Variants in ADGRL3 observed in about 807,000 individuals in gnomAD.
ADGRL3 encodes the protein calcium-independent alpha-latrotoxin receptor 3.
In ADGRL3, 62 loss-of-function variants were observed where a neutral mutation model predicts 153.5. The ratio of observed to expected loss-of-function variants is 0.40; its 90% CI spans 0.33 to 0.50. The LOEUF is 0.50. Among genes scored for constraint, ADGRL3 ranks in the 20% least tolerant of loss-of-function variants. The pLI, the probability that ADGRL3 is intolerant of heterozygous loss-of-function variation, is 0.47. For missense variants in ADGRL3, 1,641 were observed against 1,859.4 expected, an observed-to-expected ratio of 0.88 and a Z score of 2.16; for synonymous variants, 710 against 672.5, an observed-to-expected ratio of 1.06 and a Z score of -0.86.
chr4:61,554,000 G>C (rs1351234402), intron 4 of ADGRL3, among the ~76,000 whole-genome samples: 1 of 151,730 alleles, frequency 6.6e-6, no homozygotes, highest in Admixed American at 6.6e-5. Flanking sequence ...GGAGAACAGA[G>C]GAGAAAGCTT....
intron 1 of ADGRL3, among the ~76,000 whole-genome samples, chr4:61,296,346 G>A (rs1031734912): frequency 2.0e-5 from 3 of 152,082 alleles, no homozygotes; most frequent in African/African-American, 7.2e-5. Context: ...AAGTCTCTCA[G>A]GTTAACTGAA....
In ADGRL3 at chr4:62,043,514, T is replaced by G. The variant is rs191235278; in HGVS notation, c.3718-939T>G. On this transcript the variant is annotated intron_variant, in intron 24 of 26. Coordinates refer to ENST00000683033, the MANE Select transcript of ADGRL3 (RefSeq NM_001387552.1). The stretch of plus-strand genomic sequence containing the variant: ...CATGTTCCAAGATTCATAAAATCAC[T>G]TGTCTAATATTCTAAGATTGATTAC... 2.0e-5 allele frequency among the ~76,000 whole-genome samples: 3 copies of G among 152,220 alleles called. No homozygotes were observed. In the East Asian group the frequency reaches 5.8e-4, roughly 29 times the overall value.
chr4:61,423,009 G>A (rs1276794981), intron 2 of ADGRL3, among the ~76,000 whole-genome samples: 1 of 152,064 alleles, frequency 6.6e-6, no homozygotes, highest in Admixed American at 6.6e-5. Context: ...TTATAAAGAG[G>A]TGGAGCTGAG....
chr4:61,286,416 T>C (rs1320387415), intron 1 of ADGRL3, among the ~76,000 whole-genome samples: 1 of 151,572 alleles, frequency 6.6e-6, no homozygotes, highest in African/African-American at 2.4e-5. Context: ...AGTGAAATTT[T>C]AAAAGGATGT....
chr4:61,771,440 G>A (rs2345049), intron 8 of ADGRL3, among the ~76,000 whole-genome samples: 80,576 of 151,958 alleles, frequency 0.53, 22,037 homozygotes, highest in East Asian at 0.68. Context: ...GCCCATTTCC[G>A]ACCATAGAGT....
chr4:61,621,588 T>TA (rs2092514470), intron 5 of ADGRL3, among the ~76,000 whole-genome samples: 2 of 152,158 alleles, frequency 1.3e-5, no homozygotes, highest in African/African-American at 4.8e-5. Flanking sequence ...ATTATCTTTT[T>TA]AAAAAATACT....
intron 15 of ADGRL3, 63 bp from the exon 16 acceptor site, chr4:61,946,851 C>A: frequency 8.3e-7 from 1 of 1,199,892 alleles, no homozygotes; most frequent in Admixed American, 1.8e-5. Context: ...AATTTTCTAT[C>A]TCATTAGTAC....
At chr4:61,933,823 T>A (rs745428192) in intron 13 of ADGRL3, 1 of 152,210 alleles carries the variant, frequency 6.6e-6, no homozygotes, top group Admixed American at 6.5e-5. Context: ...GTGTCAATAA[T>A]GTGAGTCCTG....
At chr4:61,610,489 T>G (rs953747940) in intron 5 of ADGRL3, among the ~76,000 whole-genome samples, 1 of 152,188 alleles carries the variant, frequency 6.6e-6, no homozygotes, top group African/African-American at 2.4e-5. Context: ...CCAATCTTTC[T>G]TGGTGAAATA....
chr4:61,243,044 T>C (rs1755645980), intron 1 of ADGRL3, among the ~76,000 whole-genome samples: 1 of 152,002 alleles, frequency 6.6e-6, no homozygotes, highest in South Asian at 2.1e-4. Flanking sequence ...GGGAAACAAT[T>C]AATTTCAACA....
chr4:61,268,602 A>G (rs2092988784), intron 1 of ADGRL3, among the ~76,000 whole-genome samples: 1 of 151,624 alleles, frequency 6.6e-6, no homozygotes, highest in Admixed American at 6.6e-5. Context: ...AGTTGCTAGC[A>G]TACTTTTTAG....
intron 4 of ADGRL3, among the ~76,000 whole-genome samples, chr4:61,529,195 T>C (rs1006803348): frequency 6.6e-6 from 1 of 152,168 alleles, no homozygotes; most frequent in African/African-American, 2.4e-5. Flanking sequence ...ATAATATGTC[T>C]GTAGCTTACT....
intron 1 of ADGRL3, among the ~76,000 whole-genome samples, chr4:61,253,082 T>C (rs1022083230): frequency 1.3e-5 from 2 of 152,192 alleles, no homozygotes; most frequent in Non-Finnish European, 2.9e-5. Context: ...TCTGGCTGCT[T>C]TCTGAAAACA....
chr4:61,786,749 G>A (rs116412227), intron 8 of ADGRL3, among the ~76,000 whole-genome samples: 2,036 of 152,162 alleles, frequency 0.013, 64 homozygotes, highest in African/African-American at 0.045. Context: ...ATGAGATTTT[G>A]TTCCAAAAAT....
chr4:61,354,681 T>C (rs995105269), intron 1 of ADGRL3, among the ~76,000 whole-genome samples: 4 of 151,966 alleles, frequency 2.6e-5, no homozygotes, highest in Non-Finnish European at 5.9e-5. Context: ...TAATCAGGAA[T>C]GTGAATAATC....
chr4:61,410,426 T>G (rs1238695956), intron 2 of ADGRL3, among the ~76,000 whole-genome samples: 3 of 152,196 alleles, frequency 2.0e-5, no homozygotes, highest in Non-Finnish European at 4.4e-5. Flanking sequence ...CTTTAGTGTT[T>G]AGTGCATATT....
At chr4:61,422,825 A>G (rs1169005653) in intron 2 of ADGRL3, among the ~76,000 whole-genome samples, 1 of 151,486 alleles carries the variant, frequency 6.6e-6, no homozygotes, top group East Asian at 1.9e-4. Context: ...TATAAATAAT[A>G]TATATTCTTA....
chr4:62,033,375 G>A (rs1483052148), intron 23 of ADGRL3, among the ~76,000 whole-genome samples: 3 of 151,790 alleles, frequency 2.0e-5, no homozygotes, highest in East Asian at 3.9e-4. Flanking sequence ...ATGGTGAAGA[G>A]ATGGCAGTCT....
intron 17 of ADGRL3, among the ~76,000 whole-genome samples, chr4:61,951,494 A>T (rs765575246): frequency 2.6e-4 from 39 of 152,340 alleles, no homozygotes; most frequent in Admixed American, 6.5e-4. Flanking sequence ...AAACAATAAT[A>T]GCACCAGTTT....
Sources: allele counts gnomAD v4.1 joint callset (sites outside exome capture counted in the v4.1 genomes callset), GRCh38; gene constraint gnomAD v4.1.1; transcripts MANE v1.5; gene names NCBI Gene and HGNC (gene_info 2026-07-23, HGNC 2026-07-21).